The following RASA3 variants were observed in gnomAD, a reference collection of about 807,000 sequenced individuals.
RASA3 encodes ras GTPase-activating protein 3.
Under a neutral mutation model 110.0 loss-of-function variants are expected in RASA3, and 73 were observed. The observed-to-expected ratio is 0.66, with a 90% CI of 0.55 to 0.81. RASA3 has a LOEUF of 0.81. RASA3 is among the 30% of genes least tolerant of loss of function. RASA3 has a pLI of 0.00. For synonymous variants in RASA3, 500 were observed against 451.4 expected, an observed-to-expected ratio of 1.11 and a Z score of -1.37; for missense variants, 976 against 1,113.2, an observed-to-expected ratio of 0.88 and a Z score of 1.75.
intron 18 of RASA3, among the ~76,000 whole-genome samples, chr13:114,001,474 ATG>A (rs1360453517): frequency 4.1e-4 from 54 of 132,238 alleles, no homozygotes; most frequent in African/African-American, 6.3e-4. Context: ...CTCACGCAAC[ATG>A]GAGGACCTAC....
In RASA3 at chr13:114,014,395, A is replaced by AG. The variant is rs2053743256; in HGVS notation, c.1405+813dup. Reference sequence around the variant, plus strand: ...CTGACTGTCTGATGTCCTGAGAATCAGGGGTGGGGACAGCGTTTGTCTCCT... The same window carrying AG: ...CTGACTGTCTGATGTCCTGAGAATCAGGGGGTGGGGACAGCGTTTGTCTCCT... On this transcript the variant is annotated intron_variant, in intron 14 of 23. Transcript: ENST00000334062. This position sits in a 1 kb window ranked among gnomAD's most constrained non-coding sequence, Gnocchi z 4.5. Among the ~76,000 whole-genome samples, 1 of 152,086 alleles carries AG rather than the reference A, an allele frequency of 6.6e-6. No individual in the cohort carries two copies. The highest frequency in any genetic ancestry group is 6.5e-5 in the Admixed American group (1 of 15,282).
chr13:114,060,251 A>G (rs948809556), intron 2 of RASA3, among the ~76,000 whole-genome samples: 6 of 152,192 alleles, frequency 3.9e-5, no homozygotes, highest in Middle Eastern at 3.2e-3. Flanking sequence ...GTCAGGGTGC[A>G]GCCGAGGTCA....
At chr13:114,080,538 C>G (rs368130354) in intron 1 of RASA3, among the ~76,000 whole-genome samples, 2 of 152,172 alleles carry the variant, frequency 1.3e-5, no homozygotes, top group East Asian at 3.9e-4. Context: ...TAAACCCTCC[C>G]AAATAACGGG....
chr13:113,992,200 A>G (rs1408550778), intron 22 of RASA3, among the ~76,000 whole-genome samples: 1 of 152,282 alleles, frequency 6.6e-6, no homozygotes, highest in East Asian at 1.9e-4. Context: ...AAACAAAGGA[A>G]TGAAAAAATA....
intron 8 of RASA3, among the ~76,000 whole-genome samples, chr13:114,023,467 T>TC (rs943310393): frequency 1.6e-4 from 24 of 152,316 alleles, no homozygotes; most frequent in Non-Finnish European, 2.9e-4. Context: ...CTCATCTGCC[T>TC]CTTCATAGGG....
At position 113,981,676 on chromosome 13, in the gene RASA3, G is replaced by A. The variant is rs1479398692; in HGVS notation, c.2428C>T (p.Gln810Ter). 6.2e-7 allele frequency: 1 copy of A among 1,613,636 alleles called. No homozygotes were observed. The highest frequency in any genetic ancestry group is 8.5e-7 in the Non-Finnish European group (1 of 1,179,822). Reference protein sequence around the residue: ...DKFKKTKYGSQEHPIGDKSFQ... With the variant: ...DKFKKTKYGS ...GGCAGGCACGGGAGTGGCACTCACT[G>A]GCTTCCATATTTCGTCTTCTTGAAC... The change falls in exon 23 of 24, where the codon CAG (glutamine) becomes TAG (stop). Residue 810 changes from glutamine (Q) to a stop codon, truncating the protein, a stop_gained and splice_region_variant. Coordinates refer to ENST00000334062, the MANE Select transcript of RASA3 (RefSeq NM_007368.4). LOFTEE classifies it high-confidence loss of function.
intron 3 of RASA3, among the ~76,000 whole-genome samples, chr13:114,042,539 C>T (rs1221477557): frequency 7.2e-5 from 11 of 152,358 alleles, no homozygotes; most frequent in Non-Finnish European, 8.8e-5. Flanking sequence ...TCTGGGTCCC[C>T]GCAGACCCGG....
chr13:113,980,282 C>T (rs1319269100), intron 23 of RASA3, among the ~76,000 whole-genome samples: 2 of 146,468 alleles, frequency 1.4e-5, no homozygotes, highest in South Asian at 2.2e-4. Context: ...CCTCCTCCCA[C>T]GTGTGCACCT....
rs566299176 is a variant in RASA3 at position 114,098,302 on chromosome 13, G to A, written c.56-24465C>T. Among the ~76,000 whole-genome samples, 28 of 152,334 alleles carry A rather than the reference G, an allele frequency of 1.8e-4. No homozygotes were observed. The East Asian group carries it at 4.4e-3, about 24-fold the overall frequency. ...CTGGGGGCAGAGCTGAGAGGACAGA[G>A]AACAGGCGGACAAGGCAACAGGGAC... On this transcript the variant is annotated intron_variant, in intron 1 of 23. Coordinates refer to ENST00000334062, the MANE Select transcript of RASA3 (RefSeq NM_007368.4).
intron 11 of RASA3, among the ~76,000 whole-genome samples, chr13:114,017,595 A>G (rs2053822529): frequency 6.6e-6 from 1 of 152,218 alleles, no homozygotes; most frequent in Non-Finnish European, 1.5e-5. Flanking sequence ...CCAGCTCAGG[A>G]GGAGCCTGGC....
At chr13:114,016,525 G>C (rs2053795967) in intron 12 of RASA3, among the ~76,000 whole-genome samples, 1 of 152,206 alleles carries the variant, frequency 6.6e-6, no homozygotes, top group African/African-American at 2.4e-5. Context: ...GGCTGCGGAG[G>C]GACAAGTGAG....
At chr13:114,116,412 C>T (rs1377291005) in intron 1 of RASA3, among the ~76,000 whole-genome samples, 3 of 151,962 alleles carry the variant, frequency 2.0e-5, no homozygotes, top group Admixed American at 2.0e-4. Context: ...CGAAAGACTC[C>T]AGCGTAGGAC....
chr13:114,097,625 C>T (rs543718469), intron 1 of RASA3, among the ~76,000 whole-genome samples: 41 of 152,364 alleles, frequency 2.7e-4, no homozygotes, highest in African/African-American at 8.9e-4. Context: ...GCAGCAATCA[C>T]AGAACGGAAG....
chr13:114,082,241 CA>C (rs2079797153), intron 1 of RASA3, among the ~76,000 whole-genome samples: 2 of 152,216 alleles, frequency 1.3e-5, no homozygotes, highest in Non-Finnish European at 2.9e-5. Flanking sequence ...ACGTCTGAGA[CA>C]AAGGACATCA....
intron 18 of RASA3, among the ~76,000 whole-genome samples, chr13:114,004,805 A>G (rs764103573): frequency 5.3e-4 from 81 of 152,198 alleles, no homozygotes; most frequent in Non-Finnish European, 2.4e-4. Flanking sequence ...AGCAATTACC[A>G]AAAAGACACC....
chr13:114,066,486 G>A (rs1180184617), intron 2 of RASA3, among the ~76,000 whole-genome samples: 4 of 152,152 alleles, frequency 2.6e-5, no homozygotes, highest in African/African-American at 7.2e-5. Flanking sequence ...TCCTCGGTGC[G>A]GCCCCCTCGT....
intron 18 of RASA3, among the ~76,000 whole-genome samples, chr13:114,004,877 A>G (rs1483388905): frequency 6.6e-6 from 1 of 152,236 alleles, no homozygotes; most frequent in Non-Finnish European, 1.5e-5. Context: ...CCACGTGTCC[A>G]CCAACGGACG....
At chr13:113,993,038 G>A (rs1259627188) in intron 21 of RASA3, among the ~76,000 whole-genome samples, 1 of 152,138 alleles carries the variant, frequency 6.6e-6, no homozygotes, top group Non-Finnish European at 1.5e-5. Flanking sequence ...AAAATCCCCA[G>A]TGTAATATGT....
intron 13 of RASA3, among the ~76,000 whole-genome samples, chr13:114,015,728 G>A (rs927123835): frequency 6.6e-6 from 1 of 152,230 alleles, no homozygotes; most frequent in Non-Finnish European, 1.5e-5. Flanking sequence ...AGGGAGTTTT[G>A]CTGTTTTAAA....
Sources: allele counts gnomAD v4.1 joint callset (sites outside exome capture counted in the v4.1 genomes callset), GRCh38; gene constraint gnomAD v4.1.1; non-coding constraint Gnocchi (gnomAD v3.1); transcripts MANE v1.5; gene names NCBI Gene and HGNC (gene_info 2026-07-23, HGNC 2026-07-21).